GAS2L3: variants seen among roughly 807,000 people sequenced by gnomAD.
The protein encoded by GAS2L3 is GAS2-like protein 3.
A neutral mutation model predicts 37.0 loss-of-function variants in GAS2L3; 28 were observed. The ratio of observed to expected loss-of-function variants is 0.76; its 90% CI spans 0.56 to 1.04. GAS2L3 has a LOEUF of 1.04. GAS2L3 is among the 50% of genes least tolerant of loss of function. The probability of loss-of-function intolerance (pLI) is 0.00; values close to 1 mark genes in which losing one functional copy is unlikely to be tolerated. For synonymous variants in GAS2L3, 290 were observed against 296.6 expected (o/e 0.98, Z 0.23); for missense variants, 793 against 817.6 (o/e 0.97, Z 0.37).
intron 8 of GAS2L3, 45 bp downstream of exon 8, chr12:100,618,632 C>T (rs759899666): frequency 3.2e-6 from 5 of 1,554,498 alleles, no homozygotes; most frequent in South Asian, 1.2e-5. Flanking sequence ...ACCTTGAAGT[C>T]TCATAGTTTT....
intron 1 of GAS2L3, among the ~76,000 whole-genome samples, chr12:100,587,944 C>A (rs965910798): frequency 4.6e-5 from 7 of 151,912 alleles, no homozygotes; most frequent in Admixed American, 4.6e-4. Context: ...CCCAGCTACT[C>A]GGGAGGCTGA....
chr12:100,584,451 A>G (rs1455376750), intron 1 of GAS2L3, among the ~76,000 whole-genome samples: 1 of 152,110 alleles, frequency 6.6e-6, no homozygotes, highest in Non-Finnish European at 1.5e-5. Context: ...TTTCCCTCAG[A>G]TGATGTCATT....
Position 100,594,939 on chromosome 12 carries a change from G to T in GAS2L3, c.18+17G>T. 1 of 1,204,792 alleles carries T rather than the reference G, an allele frequency of 8.3e-7. No individual in the cohort carries two copies. Among genetic ancestry groups the T allele is most frequent in the South Asian group, 1.6e-5 (1 of 62,880 alleles). The allele number at this position is 1,204,792 out of a possible 1,614,324, so 74.6% of individuals were successfully genotyped here. A position where few individuals can be genotyped will look rare whatever the true frequency, so the allele number is the denominator to read the frequency against. ...GCAATTCAAGTAAGTTTTTTTCTTG[G>T]AAACAATATTTAAATTATGAGATTA... On this transcript the variant is annotated intron_variant, in intron 3 of 9. Coordinates refer to ENST00000547754, the MANE Select transcript of GAS2L3 (RefSeq NM_174942.3).
Position 100,624,980 on chromosome 12 carries a change from T to C in GAS2L3, c.*90T>C. On this transcript the variant is annotated 3_prime_UTR_variant, in exon 10 of 10. Coordinates refer to ENST00000547754, the MANE Select transcript of GAS2L3 (RefSeq NM_174942.3). ...TTTCTCCTATTTGTGTCTGTCTAAA[T>C]AGGTGCAGACACTAAGGATAGTGAG... 9.9e-7 allele frequency: 1 copy of C among 1,009,224 alleles called. No homozygotes were observed. Among genetic ancestry groups the C allele is most frequent in the Admixed American group, 2.3e-5 (1 of 44,180 alleles). 62.5% of individuals were successfully genotyped at this position (1,009,224 alleles called of 1,614,324 possible).
chr12:100,577,679 C>A (rs1955654823), intron 1 of GAS2L3, among the ~76,000 whole-genome samples: 1 of 152,148 alleles, frequency 6.6e-6, no homozygotes, highest in Admixed American at 6.5e-5. Context: ...GACTGTTAAC[C>A]ACCTTAAGGA....
chr12:100,576,579 A>C (rs1955639923), intron 1 of GAS2L3, among the ~76,000 whole-genome samples: 1 of 152,160 alleles, frequency 6.6e-6, no homozygotes, highest in African/African-American at 2.4e-5. Context: ...TCTGTTGGCC[A>C]ATTTGTCTCA....
At chr12:100,594,213 C>T (rs1184963576) in intron 2 of GAS2L3, among the ~76,000 whole-genome samples, 2 of 152,012 alleles carry the variant, frequency 1.3e-5, no homozygotes, top group African/African-American at 2.4e-5. Context: ...ACTTTTATCC[C>T]TTTGAAAATA....
At chr12:100,613,631 G>T (rs1360149697) in intron 6 of GAS2L3, among the ~76,000 whole-genome samples, 1 of 147,802 alleles carries the variant, frequency 6.8e-6, no homozygotes, top group Non-Finnish European at 1.5e-5. Context: ...GTCTCGCTAT[G>T]TCGCCCAGGC....
At chr12:100,575,600 G>A (rs1955626671) in intron 1 of GAS2L3, among the ~76,000 whole-genome samples, 1 of 147,810 alleles carries the variant, frequency 6.8e-6, no homozygotes, top group Non-Finnish European at 1.5e-5. Flanking sequence ...TCCTGCCTCA[G>A]CCTCCCGAGT....
chr12:100,623,566 T>C lies in GAS2L3; in HGVS notation c.761T>C (p.Leu254Pro), dbSNP rs759248021. Residue 254 changes from leucine (L) to proline (P), a missense_variant, in exon 10 of 10, where the codon CTT (leucine) becomes CCT (proline). Physicochemically the swap from Leu to Pro is moderately conservative, Grantham distance 98 (BLOSUM62 -3). Coordinates refer to ENST00000547754, the MANE Select transcript of GAS2L3 (RefSeq NM_174942.3). The stretch of plus-strand genomic sequence containing the variant: ...TTTGTTTTCCTTTGGGGGCAGATGC[T>C]TCATGGAAAACATGTCATGGTTCGC... ...LGDKILFIRM[L>P]HGKHVMVRVG... is the part of the protein sequence containing the mutation. The C allele has an allele frequency of 6.3e-7, 1 of 1,594,546 alleles. No homozygotes were observed. Among genetic ancestry groups the C allele is most frequent in the Non-Finnish European group, 8.5e-7 (1 of 1,171,868 alleles).
At chr12:100,579,581 G>A (rs924756884) in intron 1 of GAS2L3, 1 of 772,940 alleles carries the variant, frequency 1.3e-6, no homozygotes, top group South Asian at 1.4e-5. Flanking sequence ...GATACCAGTT[G>A]CATGACAGGG....
Position 100,591,755 on chromosome 12 carries a change from GAGAAGT to G in GAS2L3, c.-131_-126del. The stretch of plus-strand genomic sequence containing the variant: ...TTACAGATCAGAACACTGAGGCTCA[GAGAAGT>G]TAACTACTCCAAAGTCATATAGCCA... On this transcript the variant is annotated 5_prime_UTR_variant, in exon 2 of 10. Transcript: ENST00000547754. 6.6e-6 allele frequency: 1 copy of G among 152,100 alleles called. No individual in the cohort carries two copies. Among genetic ancestry groups the G allele is most frequent in the South Asian group, 2.1e-4 (1 of 4,832 alleles). The allele number at this position is 152,100 out of a possible 1,614,324, so 9.4% of individuals were successfully genotyped here. A position where few individuals can be genotyped will look rare whatever the true frequency, so the allele number is the denominator to read the frequency against.
intron 1 of GAS2L3, chr12:100,574,062 G>T (rs1436575910): frequency 2.0e-5 from 3 of 152,382 alleles, no homozygotes; most frequent in African/African-American, 7.2e-5. Flanking sequence ...ACAGGTGTGC[G>T]GGGCGGTTGG....
intron 1 of GAS2L3, among the ~76,000 whole-genome samples, chr12:100,575,019 G>A (rs1955617835): frequency 6.6e-6 from 1 of 151,910 alleles, no homozygotes; most frequent in Non-Finnish European, 1.5e-5. Context: ...CTAAGCAGGG[G>A]GGCTCTGAAA....
intron 9 of GAS2L3, 36 bp downstream of exon 9, chr12:100,622,418 T>G (rs1956266757): frequency 1.9e-6 from 2 of 1,054,698 alleles, no homozygotes; most frequent in Admixed American, 3.9e-5. Flanking sequence ...TACACATAAA[T>G]ACTGTTTTGA....
In GAS2L3 at chr12:100,628,266, G is replaced by T. The variant is rs947513516; in HGVS notation, c.*3376G>T. On this transcript the variant is annotated 3_prime_UTR_variant, in exon 10 of 10. Transcript: ENST00000547754. ...TTTTAACTTAGGTTTGTTTTCTTGA[G>T]TATTAAAATTTAAACATATATACCA... is the stretch of plus-strand genomic sequence containing the variant. 2 of 152,226 alleles carry T rather than the reference G, an allele frequency of 1.3e-5. No individual in the cohort carries two copies. Among genetic ancestry groups the T allele is most frequent in the South Asian group, 4.1e-4 (2 of 4,826 alleles). The allele number at this position is 152,226 out of a possible 1,614,324, so 9.4% of individuals were successfully genotyped here.
In GAS2L3 at chr12:100,623,803, C is replaced by G. The variant is rs1182681267; in HGVS notation, c.998C>G (p.Pro333Arg). The G allele has an allele frequency of 6.2e-7, 1 of 1,613,818 alleles. No homozygotes were observed. Among genetic ancestry groups the G allele is most frequent in the Admixed American group, 1.7e-5 (1 of 59,946 alleles). ...ATGTTTCAGAAACAAAATTCAAAACCCAGCGTGCCAGTTAGTATTCCAAAA... is the reference window on the plus strand; with the variant it reads ...ATGTTTCAGAAACAAAATTCAAAACGCAGCGTGCCAGTTAGTATTCCAAAA... ...VNMFQKQNSKPSVPVSIPKSK... is the reference protein window; with the variant it reads ...VNMFQKQNSKRSVPVSIPKSK... The change falls in exon 10 of 10, where the codon CCC becomes CGC. Residue 333 changes from proline (P) to arginine (R), a missense_variant. By Grantham distance (103) the Pro-to-Arg change is moderately radical. Transcript: ENST00000547754.
chr12:100,624,378 A>G lies in GAS2L3; in HGVS notation c.1573A>G (p.Ser525Gly). The G allele has an allele frequency of 6.2e-7, 1 of 1,614,058 alleles. No individual in the cohort carries two copies. The highest frequency in any genetic ancestry group is 8.5e-7 in the Non-Finnish European group (1 of 1,180,036). ...FQSSAKMTKT[S>G]SKTIATGLGT... is the part of the protein sequence containing the mutation. ...GTCCTCTGCAAAAATGACAAAAACC[A>G]GTTCCAAAACCATAGCCACGGGTCT... is the stretch of plus-strand genomic sequence containing the variant. Residue 525 changes from serine (S) to glycine (G), a missense_variant, in exon 10 of 10, where the codon AGT becomes GGT. Coordinates refer to ENST00000547754, the MANE Select transcript of GAS2L3 (RefSeq NM_174942.3).
chr12:100,593,799 C>T (rs1955876532), intron 2 of GAS2L3: 1 of 152,026 alleles, frequency 6.6e-6, no homozygotes, highest in Non-Finnish European at 1.5e-5. Flanking sequence ...TAGGAATGCT[C>T]ACTTGTACTT....
Sources: allele counts gnomAD v4.1 joint callset (sites outside exome capture counted in the v4.1 genomes callset), GRCh38; gene constraint gnomAD v4.1.1; transcripts MANE v1.5; gene names NCBI Gene and HGNC (gene_info 2026-07-23, HGNC 2026-07-21).